The following STING1 variants were observed in gnomAD, a reference collection of about 807,000 sequenced individuals.
STING1 encodes the protein stimulator of interferon response cGAMP interactor 1.
In STING1, 19 loss-of-function variants were observed where a neutral mutation model predicts 31.6. The observed-to-expected ratio is 0.60, with a 90% CI of 0.42 to 0.88. STING1 has a LOEUF of 0.88. STING1 is among the 40% of genes least tolerant of loss of function. The pLI is 0.00. For missense variants in STING1, 371 were observed against 483.7 expected (o/e 0.77, Z 2.19); for synonymous variants, 200 against 208.6 (o/e 0.96, Z 0.35).
At chr5:139,478,246 A>AC (rs778451373) in intron 6 of STING1, 24 bp downstream of exon 6, 9 of 1,575,916 alleles carry the variant, frequency 5.7e-6, no homozygotes, top group African/African-American at 5.4e-5. Context: ...CTCCTCAGAG[A>AC]CCCCCACTCC....
In STING1 at chr5:139,481,095, A is replaced by G. The variant is rs1751825006; in HGVS notation, c.411+64T>C. The stretch of plus-strand genomic sequence containing the variant: ...CAGTCCCACTCCCAGTACTCAGCTC[A>G]GGGCAGGTCACACCAGCCACAGCCA... On this transcript the variant is annotated intron_variant, in intron 4 of 7. Coordinates refer to ENST00000330794, the MANE Select transcript of STING1 (RefSeq NM_198282.4). This position sits in a 1 kb window ranked among gnomAD's most constrained non-coding sequence, Gnocchi z 4.1. 6.6e-7 allele frequency: 1 copy of G among 1,508,554 alleles called. No individual in the cohort carries two copies. Among genetic ancestry groups the G allele is most frequent in the South Asian group, 1.1e-5 (1 of 88,586 alleles). The allele number at this position is 1,508,554 out of a possible 1,614,324, so 93.4% of individuals were successfully genotyped here.
intron 5 of STING1, chr5:139,478,743 C>A (rs908430933): frequency 5.9e-6 from 3 of 507,966 alleles, no homozygotes; most frequent in African/African-American, 5.7e-5. Flanking sequence ...ATGTCTATGT[C>A]AGCGCCACCC....
rs942887719 is a variant in STING1 at position 139,475,995 on chromosome 5, C to T, written c.*266G>A. Reference sequence around the variant, plus strand: ...AGCATCCAAAGTTTATGAAAAACTTCCACACACTCAGTCCTCACAACAACC... The same window carrying T: ...AGCATCCAAAGTTTATGAAAAACTTTCACACACTCAGTCCTCACAACAACC... On this transcript the variant is annotated 3_prime_UTR_variant, in exon 8 of 8. Coordinates refer to ENST00000330794, the MANE Select transcript of STING1 (RefSeq NM_198282.4). The T allele has an allele frequency of 7.7e-6, 3 of 390,430 alleles. No homozygotes were observed. The highest frequency in any genetic ancestry group is 2.0e-5 in the African/African-American group (1 of 50,210). 24.2% of individuals were successfully genotyped at this position (390,430 alleles called of 1,614,324 possible). A position where few individuals can be genotyped will look rare whatever the true frequency, so the allele number is the denominator to read the frequency against.
intron 5 of STING1, among the ~76,000 whole-genome samples, chr5:139,480,109 G>A (rs1386165265): frequency 6.6e-6 from 1 of 151,812 alleles, no homozygotes. Context: ...TTGAGCCCAG[G>A]AGTTGAGACC....
At chr5:139,477,546 G>A (rs1314916746) in intron 6 of STING1, 31 bp from the exon 7 acceptor site, 1 of 1,601,732 alleles carries the variant, frequency 6.2e-7, no homozygotes, top group African/African-American at 1.3e-5. Flanking sequence ...ACCAGACTAA[G>A]CCAGGGGCCA....
In STING1 at chr5:139,476,052, AT is replaced by A; in HGVS notation, c.*208del. On this transcript the variant is annotated 3_prime_UTR_variant, in exon 8 of 8. Transcript: ENST00000330794. ...GAGGTAAGGCAGTGATTATGATCCC[AT>A]TTCACAGGTTGAAGACACCGAGGCT... 1 of 540,736 alleles carries A rather than the reference AT, an allele frequency of 1.8e-6. No homozygotes were observed. Among genetic ancestry groups the A allele is most frequent in the Non-Finnish European group, 3.3e-6 (1 of 301,724 alleles). The allele number at this position is 540,736 out of a possible 1,614,324, so 33.5% of individuals were successfully genotyped here.
At chr5:139,477,190 A>AG in intron 7 of STING1, 139 bp downstream of exon 7, 1 of 872,796 alleles carries the variant, frequency 1.1e-6, no homozygotes, top group East Asian at 2.5e-5. Context: ...TGCTGGGAAG[A>AG]GGGGGCTTCT....
Position 139,476,423 on chromosome 5 carries a change from G to C in STING1, c.978C>G (p.Ser326=), listed in dbSNP as rs1206797789. 1 of 1,612,236 alleles carries C rather than the reference G, an allele frequency of 6.2e-7. No homozygotes were observed. The highest frequency in any genetic ancestry group is 8.5e-7 in the Non-Finnish European group (1 of 1,179,968). The change falls in exon 8 of 8, where the codon TCC becomes TCG. Residue 326 remains serine (S), a synonymous_variant. Coordinates refer to ENST00000330794, the MANE Select transcript of STING1 (RefSeq NM_198282.4). ...EPADDSSFSL[S]QEVLRHLRQE... The stretch of plus-strand genomic sequence containing the variant: ...GCCGCAGGTGCCGGAGAACCTCCTG[G>C]GACAGCGAGAAGCTGCTGTCATCTG...
intron 5 of STING1, chr5:139,479,045 A>C (rs1751750473): frequency 6.5e-6 from 1 of 153,890 alleles, no homozygotes; most frequent in Non-Finnish European, 1.4e-5. Flanking sequence ...CCTGGGCAAC[A>C]TGGTGAAACA....
At position 139,481,130 on chromosome 5, in the gene STING1, C is replaced by G; in HGVS notation, c.411+29G>C. ...ACACCAGCCACAGCCACCACTTGGC[C>G]AGAGCTTCTACCTCCCCCTGTGTCA... On this transcript the variant is annotated intron_variant, in intron 4 of 7. Transcript: ENST00000330794. This position sits in a 1 kb window ranked among gnomAD's most constrained non-coding sequence, Gnocchi z 4.1. The G allele has an allele frequency of 6.2e-7, 1 of 1,612,304 alleles. No individual in the cohort carries two copies. Among genetic ancestry groups the G allele is most frequent in the Non-Finnish European group, 8.5e-7 (1 of 1,178,758 alleles).
At chr5:139,480,974 C>T (rs1751821282) in intron 4 of STING1, 76 bp from the exon 5 acceptor site, 6 of 1,280,326 alleles carry the variant, frequency 4.7e-6, no homozygotes, top group Non-Finnish European at 6.8e-6. Context: ...TCCAAGGCTT[C>T]CCAACCTGCT....
At position 139,481,920 on chromosome 5, in the gene STING1, GCACA is replaced by G; in HGVS notation, c.1-220_1-217del. ...GTTTGCTGAAAACAGAGCAGGGCCT[GCACA>G]TACACGCCCCACCAAGACCCAGGGA... On this transcript the variant is annotated intron_variant, in intron 2 of 7. Transcript: ENST00000330794. This position sits in a 1 kb window ranked among gnomAD's most constrained non-coding sequence, Gnocchi z 4.1. 3.6e-6 allele frequency: 2 copies of G among 551,818 alleles called. No individual in the cohort carries two copies. Among genetic ancestry groups the G allele is most frequent in the Non-Finnish European group, 3.2e-6 (1 of 309,368 alleles). The allele number at this position is 551,818 out of a possible 1,614,324, so 34.2% of individuals were successfully genotyped here. A position where few individuals can be genotyped will look rare whatever the true frequency, so the allele number is the denominator to read the frequency against.
At chr5:139,477,278 G>T in intron 7 of STING1, 51 bp downstream of exon 7, 1 of 1,585,516 alleles carries the variant, frequency 6.3e-7, no homozygotes, top group South Asian at 1.1e-5. Flanking sequence ...TGGGACCCCT[G>T]ACTCCTCCTG....
chr5:139,477,555 C>T, intron 6 of STING1, 40 bp from the exon 7 acceptor site: 1 of 1,592,336 alleles, frequency 6.3e-7, no homozygotes, highest in Non-Finnish European at 8.6e-7. Flanking sequence ...AGCCAGGGGC[C>T]AGGCGGATGG....
In STING1 at chr5:139,481,514, C is replaced by T. The variant is rs1258312127; in HGVS notation, c.191G>A (p.Cys64Tyr). The change falls in exon 3 of 8, where the codon TGC (cysteine) becomes TAC (tyrosine). Residue 64 changes from cysteine to tyrosine, a missense_variant. Transcript: ENST00000330794. The surrounding 1 kb of genome is among the most constrained non-coding windows in gnomAD (Gnocchi z 4.1). The stretch of plus-strand genomic sequence containing the variant: ...GTGGCGCAGCTCCTCAGCCAGGCTG[C>T]AGACCCCGTTTAACAGCAGTCCCAG... Reference protein sequence around the residue: ...LQLGLLLNGVCSLAEELRHIH... With the variant: ...LQLGLLLNGVYSLAEELRHIH... The T allele has an allele frequency of 6.2e-7, 1 of 1,613,940 alleles. No homozygotes were observed. The highest frequency in any genetic ancestry group is 8.5e-7 in the Non-Finnish European group (1 of 1,180,002).
Position 139,481,230 on chromosome 5 carries a change from C to T in STING1, c.340G>A (p.Gly114Ser), listed in dbSNP as rs189211438. ...YFYYSLPNAV[G>S]PPFTWMLALL... Reference sequence around the variant, plus strand: ...GCAAGCATCCAAGTGAAGGGCGGGCCGACCGCATTTGGGAGGGAGTAGTAG... The same window carrying T: ...GCAAGCATCCAAGTGAAGGGCGGGCTGACCGCATTTGGGAGGGAGTAGTAG... Residue 114 changes from glycine (G) to serine (S), a missense_variant, in exon 4 of 8, where the codon GGC (glycine) becomes AGC (serine). Physicochemically the swap from Gly to Ser is moderately conservative, Grantham distance 56. Coordinates refer to ENST00000330794, the MANE Select transcript of STING1 (RefSeq NM_198282.4). This position sits in a 1 kb window ranked among gnomAD's most constrained non-coding sequence, Gnocchi z 4.1. 5.7e-5 allele frequency: 92 copies of T among 1,614,150 alleles called. No homozygotes were observed. The East Asian group carries it at 6.5e-4, about 11-fold the overall frequency.
At chr5:139,476,563 C>T in intron 7 of STING1, 109 bp from the exon 8 acceptor site, 2 of 970,802 alleles carry the variant, frequency 2.1e-6, no homozygotes, top group Non-Finnish European at 1.5e-6. Flanking sequence ...ACCCCCCTTC[C>T]TACCCAAGCC....
chr5:139,476,318 A>T lies in STING1; in HGVS notation c.1083T>A (p.Pro361=). 6.2e-7 allele frequency: 1 copy of T among 1,610,466 alleles called. No individual in the cohort carries two copies. Among genetic ancestry groups the T allele is most frequent in the Non-Finnish European group, 8.5e-7 (1 of 1,178,532 alleles). The change falls in exon 8 of 8, where the codon CCT becomes CCA. Residue 361 remains proline, a synonymous_variant. Transcript: ENST00000330794. ...VPSTSTMSQE[P]ELLISGMEKP... ...TTTCCATTCCACTGATGAGGAGCTC[A>T]GGCTCTTGGGACATCGTGGAGGTAC...
rs1337964897 is a variant in STING1, at chr5:139,482,282, G to C, written c.-73C>G. ...AGGCCCGGCGCTACGAGCAGCCAAGGGCAGCTTCTCTGAGTGCAGCCTGAA... is the reference window on the plus strand; with the variant it reads ...AGGCCCGGCGCTACGAGCAGCCAAGCGCAGCTTCTCTGAGTGCAGCCTGAA... On this transcript the variant is annotated 5_prime_UTR_variant, in exon 2 of 8. Coordinates refer to ENST00000330794, the MANE Select transcript of STING1 (RefSeq NM_198282.4). The C allele has an allele frequency of 6.6e-6, 1 of 152,268 alleles. No homozygotes were observed. Among genetic ancestry groups the C allele is most frequent in the Non-Finnish European group, 1.5e-5 (1 of 68,092 alleles). 9.4% of individuals were successfully genotyped at this position (152,268 alleles called of 1,614,324 possible). A position where few individuals can be genotyped will look rare whatever the true frequency, so the allele number is the denominator to read the frequency against.
Sources: allele counts gnomAD v4.1 joint callset (sites outside exome capture counted in the v4.1 genomes callset), GRCh38; gene constraint gnomAD v4.1.1; non-coding constraint Gnocchi (gnomAD v3.1); transcripts MANE v1.5; gene names NCBI Gene and HGNC (gene_info 2026-07-23, HGNC 2026-07-21).